Variants in MDGA2 observed in about 807,000 individuals in gnomAD.
The protein encoded by MDGA2 is MAM domain-containing glycosylphosphatidylinositol anchor protein 2.
MDGA2 carries 40 observed loss-of-function variants against 117.8 expected under a neutral mutation model. The ratio of observed to expected loss-of-function variants is 0.34; its 90% CI spans 0.26 to 0.44. The LOEUF (loss-of-function observed/expected upper bound fraction) is 0.44. MDGA2 is among the 20% of genes least tolerant of loss of function. The pLI, the probability that MDGA2 is intolerant of heterozygous loss-of-function variation, is 1.00. For missense variants in MDGA2, 1,123 were observed against 1,250.6 expected (o/e 0.90, Z 1.54); for synonymous variants, 452 against 439.0 (o/e 1.03, Z -0.37).
chr14:47,192,008 C>A (rs1321583016), intron 3 of MDGA2, among the ~76,000 whole-genome samples: 1 of 152,256 alleles, frequency 6.6e-6, no homozygotes, highest in Admixed American at 6.5e-5. Flanking sequence ...AAAACAACCA[C>A]CCCAGCCAAG....
chr14:47,659,644 A>G (rs1594967945), intron 1 of MDGA2, among the ~76,000 whole-genome samples: 1 of 152,334 alleles, frequency 6.6e-6, no homozygotes, highest in South Asian at 2.1e-4. Context: ...ATAAGTGTAT[A>G]CCTCAATTAT....
rs71112472 is a variant in MDGA2, at chr14:46,938,540, C to CAAAAAAAAAAAAAAAAAAAAAAAAAAA, written c.2090-18381_2090-18380insTTTTTTTTTTTTTTTTTTTTTTTTTTT. Among the ~76,000 whole-genome samples the CAAAAAAAAAAAAAAAAAAAAAAAAAAA allele has an allele frequency of 2.8e-3, 76 of 26,978 alleles. 8 individuals carry two copies. The highest frequency in any genetic ancestry group is 5.1e-3 in the Non-Finnish European group (58 of 11,386). 17.7% of individuals were successfully genotyped at this position (26,978 alleles called of 152,430 possible). On this transcript the variant is annotated intron_variant, in intron 9 of 16. Coordinates refer to ENST00000399232, the MANE Select transcript of MDGA2 (RefSeq NM_001113498.3). Reference sequence around the variant, plus strand: ...GGGCAACAAGAACGAAAATCCATCTCAAAAAAAAAAAAAAAAAAAAGAGAC... The same window carrying CAAAAAAAAAAAAAAAAAAAAAAAAAAA: ...GGGCAACAAGAACGAAAATCCATCTCAAAAAAAAAAAAAAAAAAAAAAAAAAAAAAAAAAAAAAAAAAAAAAAGAGAC...
chr14:47,443,263 T>C (rs183043165), intron 1 of MDGA2, among the ~76,000 whole-genome samples: 1 of 152,236 alleles, frequency 6.6e-6, no homozygotes, highest in African/African-American at 2.4e-5. Flanking sequence ...GAGTGCATGA[T>C]AAATGCTCAA....
intron 1 of MDGA2, among the ~76,000 whole-genome samples, chr14:47,560,965 C>T (rs2138798190): frequency 6.6e-6 from 1 of 152,066 alleles, no homozygotes; most frequent in Admixed American, 6.5e-5. Context: ...TTCTCCATTG[C>T]TTGTTTTTGT....
In MDGA2 at chr14:47,275,974, T is replaced by C. The variant is rs114817132; in HGVS notation, c.420+25437A>G. Among the ~76,000 whole-genome samples, 658 of 152,222 alleles carry C rather than the reference T, an allele frequency of 4.3e-3. 3 individuals are homozygous for C. Among genetic ancestry groups the C allele is most frequent in the African/African-American group, 0.015 (629 of 41,520 alleles). On this transcript the variant is annotated intron_variant, in intron 2 of 16. Transcript: ENST00000399232. Reference sequence around the variant, plus strand: ...TTGTCTCAAGCGAAAAATTCAAGGGTTTGACTAGACAGTCTTTTCAACTGT... The same window carrying C: ...TTGTCTCAAGCGAAAAATTCAAGGGCTTGACTAGACAGTCTTTTCAACTGT...
intron 1 of MDGA2, among the ~76,000 whole-genome samples, chr14:47,421,126 T>C (rs1284839818): frequency 1.3e-5 from 2 of 152,080 alleles, no homozygotes; most frequent in Non-Finnish European, 2.9e-5. Flanking sequence ...ACCCCTAATA[T>C]AATCTAGGAA....
intron 8 of MDGA2, among the ~76,000 whole-genome samples, chr14:46,987,738 T>C (rs1340537852): frequency 1.3e-5 from 2 of 152,002 alleles, no homozygotes; most frequent in Non-Finnish European, 2.9e-5. Context: ...TACAACTATG[T>C]GAAAGGCAAC....
chr14:47,673,758 C>T (rs1292985533), intron 1 of MDGA2, among the ~76,000 whole-genome samples: 4 of 151,636 alleles, frequency 2.6e-5, no homozygotes, highest in Non-Finnish European at 4.4e-5. Flanking sequence ...TCCTAATTAA[C>T]AAGCTTGCCC....
At chr14:47,138,317 A>G (rs1207943835) in intron 4 of MDGA2, among the ~76,000 whole-genome samples, 1 of 152,060 alleles carries the variant, frequency 6.6e-6, no homozygotes, top group Non-Finnish European at 1.5e-5. Context: ...TTATTGTCTA[A>G]TTGTATAATT....
At chr14:47,537,599 A>C (rs1345964025) in intron 1 of MDGA2, among the ~76,000 whole-genome samples, 6 of 145,782 alleles carry the variant, frequency 4.1e-5, no homozygotes, top group Middle Eastern at 3.5e-3. Flanking sequence ...AAAAAAAAAA[A>C]AAAAAAAAAA....
intron 1 of MDGA2, among the ~76,000 whole-genome samples, chr14:47,587,110 G>T (rs2138851475): frequency 6.6e-6 from 1 of 151,902 alleles, no homozygotes; most frequent in Non-Finnish European, 1.5e-5. Flanking sequence ...GCTAAATAAT[G>T]AGAACACAGG....
At chr14:47,065,427 CT>C (rs1483689539) in intron 6 of MDGA2, among the ~76,000 whole-genome samples, 1 of 152,068 alleles carries the variant, frequency 6.6e-6, no homozygotes, top group African/African-American at 2.4e-5. Context: ...GAGTCCATGC[CT>C]GTGAATGTGA....
chr14:47,320,839 A>T lies in MDGA2; in HGVS notation c.281-19289T>A, dbSNP rs1397953397. Among the ~76,000 whole-genome samples the T allele has an allele frequency of 3.3e-5, 5 of 152,132 alleles. No homozygotes were observed. The South Asian group carries it at 1.0e-3, about 32-fold the overall frequency. ...AGAGCCTCGGTTAAAGAGATTTAAG[A>T]ATGCTTTGAGTACTTGTGTTTGCCC... On this transcript the variant is annotated intron_variant, in intron 1 of 16. Coordinates refer to ENST00000399232, the MANE Select transcript of MDGA2 (RefSeq NM_001113498.3).
intron 8 of MDGA2, among the ~76,000 whole-genome samples, chr14:47,007,834 A>G (rs1887764894): frequency 6.6e-6 from 1 of 151,822 alleles, no homozygotes; most frequent in Non-Finnish European, 1.5e-5. Context: ...TTTTAATGCC[A>G]TGAGTTGTTT....
intron 1 of MDGA2, among the ~76,000 whole-genome samples, chr14:47,567,814 C>T (rs570949815): frequency 3.3e-4 from 50 of 152,248 alleles, no homozygotes; most frequent in African/African-American, 1.2e-3. Context: ...ACCTCATCAA[C>T]AAAAAGTACA....
Position 46,861,804 on chromosome 14 carries a change from T to C in MDGA2, c.2753-6650A>G, listed in dbSNP as rs533577802. ...TTAATCAACAAATGATTTTGGAACT[T>C]TTCTCCCAGGAAGTTTCTAGTTCTT... On this transcript the variant is annotated intron_variant, in intron 14 of 16. Coordinates refer to ENST00000399232, the MANE Select transcript of MDGA2 (RefSeq NM_001113498.3). Among the ~76,000 whole-genome samples the C allele has an allele frequency of 4.6e-5, 7 of 152,068 alleles. No individual in the cohort carries two copies. The East Asian group carries it at 1.4e-3, about 29-fold the overall frequency.
intron 2 of MDGA2, among the ~76,000 whole-genome samples, chr14:47,296,153 G>C (rs1454802170): frequency 6.6e-6 from 1 of 151,940 alleles, no homozygotes; most frequent in Admixed American, 6.6e-5. Context: ...AAAAGACAAA[G>C]AGAACACTAG....
At chr14:47,382,023 G>A (rs1021931800) in intron 1 of MDGA2, among the ~76,000 whole-genome samples, 18 of 152,132 alleles carry the variant, frequency 1.2e-4, no homozygotes, top group African/African-American at 3.9e-4. Context: ...CAATGGAACA[G>A]AACAGAGCCC....
intron 2 of MDGA2, among the ~76,000 whole-genome samples, chr14:47,272,687 G>A (rs947262930): frequency 1.3e-5 from 2 of 152,026 alleles, no homozygotes; most frequent in African/African-American, 4.8e-5. Context: ...TTTTTCCCAA[G>A]GAAACCATTT....
Sources: gnomAD v4.1 joint callset for allele counts (sites outside exome capture counted in the v4.1 genomes callset) on GRCh38, gnomAD v4.1.1 for gene constraint, MANE v1.5 for transcripts, NCBI Gene and HGNC (gene_info 2026-07-23, HGNC 2026-07-21) for gene names.